The following CSMD1 variants were observed in gnomAD, a reference collection of about 807,000 sequenced individuals.
CSMD1 encodes the protein CUB and Sushi multiple domains 1.
A neutral mutation model predicts 417.5 loss-of-function variants in CSMD1; 213 were observed. That is an observed-to-expected ratio of 0.51 (90% CI 0.46 to 0.57). CSMD1 has a LOEUF of 0.57. Among genes scored for constraint, CSMD1 ranks in the 20% least tolerant of loss-of-function variants. The pLI is 0.00. For missense variants in CSMD1, 6,923 were observed against 4,529.7 expected, an observed-to-expected ratio of 1.53 and a Z score of -15.17; for synonymous variants, 2,862 against 1,736.8, an observed-to-expected ratio of 1.65 and a Z score of -16.11.
At chr8:3,467,667 A>AGACCCTTTAATATTGT (rs559554491) in intron 12 of CSMD1, among the ~76,000 whole-genome samples, 164 of 152,302 alleles carry the variant, frequency 1.1e-3, no homozygotes, top group African/African-American at 3.7e-3. Context: ...ACACACCAAG[A>AGACCCTTTAATATTGT]GACCCTTTAA....
At chr8:3,627,764 G>C (rs1229963758) in intron 7 of CSMD1, among the ~76,000 whole-genome samples, 2 of 152,140 alleles carry the variant, frequency 1.3e-5, no homozygotes, top group African/African-American at 4.8e-5. Flanking sequence ...GAAGAAATGA[G>C]AAAAGTGAGG....
intron 20 of CSMD1, among the ~76,000 whole-genome samples, chr8:3,365,036 C>G (rs972196752): frequency 6.6e-6 from 1 of 152,070 alleles, no homozygotes; most frequent in African/African-American, 2.4e-5. Flanking sequence ...TTGGAGAAGT[C>G]TATTTAAATT....
At chr8:4,362,893 A>T (rs1441490034) in intron 3 of CSMD1, among the ~76,000 whole-genome samples, 2 of 152,242 alleles carry the variant, frequency 1.3e-5, no homozygotes, top group East Asian at 1.9e-4. Flanking sequence ...TTATAAAAGT[A>T]ATTTAATTAA....
chr8:4,183,769 T>C (rs1265373273), intron 3 of CSMD1, among the ~76,000 whole-genome samples: 1 of 152,226 alleles, frequency 6.6e-6, no homozygotes, highest in Non-Finnish European at 1.5e-5. Flanking sequence ...ATTTCGTTGA[T>C]GAAAGCTTTT....
chr8:3,052,540 C>G lies in CSMD1; in HGVS notation c.7582G>C (p.Glu2528Gln). The G allele has an allele frequency of 6.2e-7, 1 of 1,607,556 alleles. No individual in the cohort carries two copies. The highest frequency in any genetic ancestry group is 8.5e-7 in the Non-Finnish European group (1 of 1,176,904). Residue 2528 changes from glutamate (E) to glutamine (Q), a missense_variant, in exon 50 of 70, where the codon GAA becomes CAA. Transcript: ENST00000635120. Reference protein sequence around the residue: ...VYECHEGFKLESSQQATAVCQ... With the variant: ...VYECHEGFKLQSSQQATAVCQ... ...ACGGCTGTTGCTTGCTGGCTGGATT[C>G]AAGCTTGAAGCCCTCATGACATTCA...
At chr8:4,869,347 T>G (rs1414635526) in intron 1 of CSMD1, among the ~76,000 whole-genome samples, 1 of 152,012 alleles carries the variant, frequency 6.6e-6, no homozygotes, top group Non-Finnish European at 1.5e-5. Context: ...TGGATCTCTT[T>G]CCTTTATGTT....
intron 15 of CSMD1, among the ~76,000 whole-genome samples, chr8:3,403,989 T>C (rs1812194326): frequency 6.6e-6 from 1 of 152,182 alleles, no homozygotes; most frequent in Non-Finnish European, 1.5e-5. Flanking sequence ...TGGGTGGTGC[T>C]TCTTGTCCAC....
In CSMD1 at chr8:3,302,757, A is replaced by C. The variant is rs182121608; in HGVS notation, c.3950+4938T>G. 1.6e-3 allele frequency among the ~76,000 whole-genome samples: 244 copies of C among 152,358 alleles called. 1 individual carries two copies. Among genetic ancestry groups the C allele is most frequent in the Middle Eastern group, 3.4e-3 (1 of 294 alleles). On this transcript the variant is annotated intron_variant, in intron 25 of 69. Transcript: ENST00000635120. Reference sequence around the variant, plus strand: ...TAGTGATGTAGGAACTGAAGAGCTCAGAATTTGTCCTTCATGCACTTTCTC... The same window carrying C: ...TAGTGATGTAGGAACTGAAGAGCTCCGAATTTGTCCTTCATGCACTTTCTC...
intron 1 of CSMD1, among the ~76,000 whole-genome samples, chr8:4,873,263 A>G (rs1470385823): frequency 6.6e-6 from 1 of 152,122 alleles, no homozygotes; most frequent in African/African-American, 2.4e-5. Context: ...ACTCAGATCA[A>G]AATCTCTTAA....
At chr8:4,044,712 G>A (rs762187793) in intron 3 of CSMD1, among the ~76,000 whole-genome samples, 87 of 28,174 alleles carry the variant, frequency 3.1e-3, no homozygotes, top group Non-Finnish European at 8.5e-3. Context: ...AACCCTGGAT[G>A]CATAGCACCC....
At chr8:3,964,706 G>T (rs759547103) in intron 5 of CSMD1, among the ~76,000 whole-genome samples, 14 of 152,096 alleles carry the variant, frequency 9.2e-5, no homozygotes, top group African/African-American at 2.7e-4. Context: ...TTAAATAAAC[G>T]CTTCAAAATC....
chr8:3,870,552 C>T (rs73493814), intron 5 of CSMD1, among the ~76,000 whole-genome samples: 1,942 of 152,216 alleles, frequency 0.013, 35 homozygotes, highest in African/African-American at 0.043. Flanking sequence ...CCAGAAATGT[C>T]CAGCCATTTC....
intron 3 of CSMD1, among the ~76,000 whole-genome samples, chr8:4,278,383 G>C (rs553696625): frequency 6.6e-6 from 1 of 152,260 alleles, no homozygotes; most frequent in South Asian, 2.1e-4. Flanking sequence ...AAAATTATCA[G>C]CTATACAGAA....
chr8:3,263,075 G>T (rs1350823356), intron 26 of CSMD1, among the ~76,000 whole-genome samples: 2 of 152,042 alleles, frequency 1.3e-5, no homozygotes, highest in African/African-American at 4.8e-5. Flanking sequence ...TGTAATAATT[G>T]TCCTTATATG....
intron 33 of CSMD1, among the ~76,000 whole-genome samples, chr8:3,190,978 T>A (rs1796385590): frequency 6.6e-6 from 1 of 151,930 alleles, no homozygotes; most frequent in African/African-American, 2.4e-5. Flanking sequence ...AACAGGAAAA[T>A]GGGAAGCAAC....
rs989223911 is a variant in CSMD1, at chr8:4,255,790, C to G, written c.415+164163G>C. 3.3e-4 allele frequency among the ~76,000 whole-genome samples: 50 copies of G among 152,312 alleles called. 1 individual carries two copies. The highest frequency in any genetic ancestry group is 3.4e-3 in the Middle Eastern group (1 of 294). The stretch of plus-strand genomic sequence containing the variant: ...TATATGTTTAAAGAAAACCCCAGCT[C>G]CATTCCATGGCCTCCTCTGGGGCAC... On this transcript the variant is annotated intron_variant, in intron 3 of 69. Transcript: ENST00000635120.
At chr8:3,349,846 TA>T (rs1404557573) in intron 21 of CSMD1, among the ~76,000 whole-genome samples, 3 of 140,172 alleles carry the variant, frequency 2.1e-5, no homozygotes, top group Non-Finnish European at 4.6e-5. Flanking sequence ...TATCTAGATA[TA>T]AATATATATA....
chr8:4,932,253 G>A (rs1222442133), intron 1 of CSMD1, among the ~76,000 whole-genome samples: 2 of 40,188 alleles, frequency 5.0e-5, no homozygotes, highest in Admixed American at 2.4e-4. Flanking sequence ...TAACTTCTCT[G>A]GTTTTAAAAA....
chr8:3,987,907 C>G (rs1814458269), intron 5 of CSMD1, among the ~76,000 whole-genome samples: 2 of 152,180 alleles, frequency 1.3e-5, no homozygotes, highest in African/African-American at 4.8e-5. Flanking sequence ...TACCTGATCT[C>G]TGAGAGTCAC....
Sources: allele counts gnomAD v4.1 joint callset (sites outside exome capture counted in the v4.1 genomes callset), GRCh38; gene constraint gnomAD v4.1.1; transcripts MANE v1.5; gene names NCBI Gene and HGNC (gene_info 2026-07-23, HGNC 2026-07-21).